IGF1R: variants seen among roughly 807,000 people sequenced by gnomAD.
The protein encoded by IGF1R is insulin like growth factor 1 receptor, also known as insulin-like growth factor 1 receptor.
A neutral mutation model predicts 144.6 loss-of-function variants in IGF1R; 44 were observed. The ratio of observed to expected loss-of-function variants is 0.30; its 90% CI spans 0.24 to 0.39. The LOEUF is 0.39. IGF1R is among the 10% of genes least tolerant of loss of function. The pLI is 1.00. For synonymous variants in IGF1R, 795 were observed against 722.8 expected (o/e 1.10, Z -1.60); for missense variants, 1,355 against 1,833.7 (o/e 0.74, Z 4.77).
chr15:98,952,298 C>T (rs1023407955), intron 20 of IGF1R, among the ~76,000 whole-genome samples: 20 of 45,804 alleles, frequency 4.4e-4, no homozygotes, highest in African/African-American at 1.2e-3. Context: ...CCCCAGTACC[C>T]CACCAACACA....
At chr15:98,886,982 C>T (rs1048464467) in intron 2 of IGF1R, among the ~76,000 whole-genome samples, 2 of 152,196 alleles carry the variant, frequency 1.3e-5, no homozygotes, top group Non-Finnish European at 2.9e-5. Flanking sequence ...TTGACCTTCC[C>T]CTCTTCTCCC....
At chr15:98,833,118 C>A (rs1406101296) in intron 2 of IGF1R, among the ~76,000 whole-genome samples, 4 of 152,224 alleles carry the variant, frequency 2.6e-5, no homozygotes, top group African/African-American at 4.8e-5. Context: ...CTGGTACCCT[C>A]TCCTGAACTT....
At chr15:98,760,641 G>A (rs1265864554) in intron 2 of IGF1R, among the ~76,000 whole-genome samples, 1 of 152,166 alleles carries the variant, frequency 6.6e-6, no homozygotes, top group Non-Finnish European at 1.5e-5. Flanking sequence ...GCAACGGGGC[G>A]TCTGCCAGGG....
intron 1 of IGF1R, among the ~76,000 whole-genome samples, chr15:98,680,616 G>T (rs1280694752): frequency 6.6e-6 from 1 of 152,128 alleles, no homozygotes; most frequent in Non-Finnish European, 1.5e-5. Flanking sequence ...CCAAGCTGGA[G>T]TGCAGTGGCG....
At chr15:98,924,492 T>C in intron 12 of IGF1R, 33 bp from the exon 13 acceptor site, 22 of 1,611,800 alleles carry the variant, frequency 1.4e-5, no homozygotes, top group Non-Finnish European at 1.8e-5. Context: ...CCTGCATTCA[T>C]GGGAAATTGA....
chr15:98,845,198 G>A (rs1163320958), intron 2 of IGF1R, among the ~76,000 whole-genome samples: 2 of 152,128 alleles, frequency 1.3e-5, no homozygotes, highest in Non-Finnish European at 2.9e-5. Flanking sequence ...AATGTATGTT[G>A]TTAACAGTGT....
chr15:98,854,865 G>A (rs1157926126), intron 2 of IGF1R, among the ~76,000 whole-genome samples: 1 of 151,960 alleles, frequency 6.6e-6, no homozygotes, highest in Non-Finnish European at 1.5e-5. Flanking sequence ...CGAGTACCCT[G>A]GCCTGGCTTT....
chr15:98,677,600 G>C (rs945939810), intron 1 of IGF1R, among the ~76,000 whole-genome samples: 2 of 152,210 alleles, frequency 1.3e-5, no homozygotes, highest in African/African-American at 4.8e-5. Context: ...TGCTCAAAGA[G>C]GGTGTGAGGA....
intron 2 of IGF1R, among the ~76,000 whole-genome samples, chr15:98,854,557 C>T (rs1466231439): frequency 1.3e-5 from 2 of 152,136 alleles, no homozygotes; most frequent in African/African-American, 4.8e-5. Context: ...TCATCTTTTG[C>T]TGGGTTTCTG....
chr15:98,802,948 A>C (rs995347949), intron 2 of IGF1R, among the ~76,000 whole-genome samples: 1 of 152,226 alleles, frequency 6.6e-6, no homozygotes, highest in Non-Finnish European at 1.5e-5. Context: ...TTGACACCGA[A>C]CTAATGATAT....
chr15:98,964,223 TAAG>T lies in IGF1R; in HGVS notation c.*6784_*6786del, dbSNP rs886051626. On this transcript the variant is annotated 3_prime_UTR_variant, in exon 21 of 21. Transcript: ENST00000650285. Reference sequence around the variant, plus strand: ...CTTGTTAAAAAAAAATTTTTTTAAGTAAGAAAAAAAAAGGTAATAACATGGCCA... The same window carrying T: ...CTTGTTAAAAAAAAATTTTTTTAAGTAAAAAAAAAGGTAATAACATGGCCA... The T allele has an allele frequency of 3.5e-5, 8 of 231,256 alleles. No homozygotes were observed. Among genetic ancestry groups the T allele is most frequent in the Non-Finnish European group, 5.1e-5 (6 of 117,228 alleles). 14.3% of individuals were successfully genotyped at this position (231,256 alleles called of 1,614,324 possible).
chr15:98,708,948 A>G (rs1386790842), intron 2 of IGF1R, among the ~76,000 whole-genome samples: 1 of 152,220 alleles, frequency 6.6e-6, no homozygotes, highest in Admixed American at 6.5e-5. Context: ...TCCCTTGAGA[A>G]TAACTGAGCT....
intron 2 of IGF1R, among the ~76,000 whole-genome samples, chr15:98,794,212 C>T (rs538254907): frequency 1.3e-5 from 2 of 152,176 alleles, no homozygotes; most frequent in Non-Finnish European, 2.9e-5. Context: ...TCTAGACTTC[C>T]GCAGTTTTGG....
intron 19 of IGF1R, among the ~76,000 whole-genome samples, chr15:98,945,854 A>C (rs934212611): frequency 6.6e-6 from 1 of 152,266 alleles, no homozygotes; most frequent in South Asian, 2.1e-4. Context: ...CCTCAGTGGC[A>C]GGTGATGTTG....
intron 1 of IGF1R, among the ~76,000 whole-genome samples, chr15:98,672,223 G>A (rs1331900541): frequency 6.6e-6 from 1 of 152,188 alleles, no homozygotes; most frequent in Non-Finnish European, 1.5e-5. Context: ...CCAAGAAAAT[G>A]ATGGACTGGC....
chr15:98,847,556 C>A (rs911446461), intron 2 of IGF1R, among the ~76,000 whole-genome samples: 1 of 152,120 alleles, frequency 6.6e-6, no homozygotes, highest in Non-Finnish European at 1.5e-5. Context: ...TTAATCCAGA[C>A]CAACGATGAA....
chr15:98,948,310 C>T (rs976876122), intron 19 of IGF1R, among the ~76,000 whole-genome samples: 5 of 152,118 alleles, frequency 3.3e-5, no homozygotes, highest in Non-Finnish European at 7.4e-5. Context: ...GCTTCCTGAC[C>T]GTGCAAGGGA....
At chr15:98,711,200 A>G (rs2053983699) in intron 2 of IGF1R, among the ~76,000 whole-genome samples, 1 of 152,180 alleles carries the variant, frequency 6.6e-6, no homozygotes, top group Non-Finnish European at 1.5e-5. Context: ...TCCAGGCAGA[A>G]TGGCTACCTT....
At chr15:98,774,055 A>C (rs2141377467) in intron 2 of IGF1R, among the ~76,000 whole-genome samples, 1 of 152,318 alleles carries the variant, frequency 6.6e-6, no homozygotes, top group East Asian at 1.9e-4. Flanking sequence ...GTTTTTGGTT[A>C]ATCTCAGCAA....
Sources: allele counts gnomAD v4.1 joint callset (sites outside exome capture counted in the v4.1 genomes callset), GRCh38; gene constraint gnomAD v4.1.1; transcripts MANE v1.5; gene names NCBI Gene and HGNC (gene_info 2026-07-23, HGNC 2026-07-21).